Variants in CCSER2 observed in about 807,000 individuals in gnomAD.
CCSER2 encodes the protein coiled-coil serine rich protein 2.
Under a neutral mutation model 92.3 loss-of-function variants are expected in CCSER2, and 46 were observed. The observed-to-expected ratio is 0.50, with a 90% confidence interval of 0.39 to 0.64. CCSER2 has a LOEUF of 0.64. Ranked by LOEUF, CCSER2 falls within the 30% of genes least tolerant of loss-of-function variation. The probability of loss-of-function intolerance (pLI) is 0.00; values close to 1 mark genes in which losing one functional copy is unlikely to be tolerated. For synonymous variants in CCSER2, 433 were observed against 431.4 expected (o/e 1.00, Z -0.04); for missense variants, 1,244 against 1,238.9 (o/e 1.00, Z -0.06).
intron 3 of CCSER2, among the ~76,000 whole-genome samples, chr10:84,383,198 A>G (rs950436377): frequency 6.6e-6 from 1 of 152,222 alleles, no homozygotes. Context: ...GAGTTTTAGA[A>G]TGAATTTAGG....
chr10:84,510,211 CTG>C (rs1849280845), intron 9 of CCSER2, among the ~76,000 whole-genome samples: 2 of 152,132 alleles, frequency 1.3e-5, no homozygotes, highest in Non-Finnish European at 2.9e-5. Flanking sequence ...TTTTTTGCCT[CTG>C]TGTTTGGCAT....
intron 5 of CCSER2, among the ~76,000 whole-genome samples, chr10:84,436,342 A>G (rs1171283668): frequency 1.8e-4 from 24 of 130,120 alleles, no homozygotes; most frequent in East Asian, 4.5e-4. Context: ...AAAAAAAAAA[A>G]AAAAAAAAAA....
chr10:84,374,481 G>A (rs1483078047), intron 3 of CCSER2, among the ~76,000 whole-genome samples: 2 of 152,148 alleles, frequency 1.3e-5, no homozygotes, highest in East Asian at 1.9e-4. Context: ...GGAAGAGAGT[G>A]CCAGAGGGTC....
chr10:84,432,748 CT>C (rs1843855096), intron 5 of CCSER2, among the ~76,000 whole-genome samples: 1 of 151,980 alleles, frequency 6.6e-6, no homozygotes, highest in South Asian at 2.1e-4. Flanking sequence ...TCCATTTTTT[CT>C]TTCTTGGGTT....
intron 3 of CCSER2, among the ~76,000 whole-genome samples, chr10:84,383,461 C>A (rs1306976800): frequency 2.0e-5 from 3 of 152,074 alleles, no homozygotes; most frequent in African/African-American, 4.8e-5. Flanking sequence ...CAGGTGCCCG[C>A]CACCATACCT....
chr10:84,435,171 A>G (rs560031199), intron 5 of CCSER2, among the ~76,000 whole-genome samples: 102 of 152,316 alleles, frequency 6.7e-4, no homozygotes, highest in Admixed American at 5.3e-3. Flanking sequence ...GAGAACATTG[A>G]GAGTTAAAGA....
intron 1 of CCSER2, among the ~76,000 whole-genome samples, chr10:84,332,365 T>C (rs1294062756): frequency 6.8e-6 from 1 of 147,956 alleles, no homozygotes; most frequent in African/African-American, 2.5e-5. Flanking sequence ...TGATCTATTT[T>C]TTCTTATTGT....
chr10:84,485,901 A>G (rs1421469919), intron 9 of CCSER2, among the ~76,000 whole-genome samples: 1 of 151,694 alleles, frequency 6.6e-6, no homozygotes, highest in Non-Finnish European at 1.5e-5. Context: ...ACCTCCCCCA[A>G]CCCCACAACA....
chr10:84,426,816 T>C (rs1464399218), intron 5 of CCSER2, among the ~76,000 whole-genome samples: 2 of 152,224 alleles, frequency 1.3e-5, no homozygotes, highest in African/African-American at 4.8e-5. Context: ...TTACAACATA[T>C]ACAGTACGCA....
chr10:84,501,862 C>CATATATATATATATATATATATACTCAT (rs561729632), intron 9 of CCSER2, among the ~76,000 whole-genome samples: 32 of 69,476 alleles, frequency 4.6e-4, no homozygotes, highest in Non-Finnish European at 8.5e-4. Flanking sequence ...TATATATACT[C>CATATATATATATATATATATATACTCAT]ATATATATAT....
At chr10:84,389,145 A>G (rs1054537789) in intron 3 of CCSER2, 11 of 243,464 alleles carry the variant, frequency 4.5e-5, no homozygotes, top group Non-Finnish European at 7.4e-5. Flanking sequence ...CTTTATTGAA[A>G]TATTTTCCTT....
At chr10:84,444,301 T>A (rs969343211) in intron 6 of CCSER2, among the ~76,000 whole-genome samples, 13 of 152,144 alleles carry the variant, frequency 8.5e-5, no homozygotes, top group African/African-American at 1.9e-4. Context: ...GTTATTTTTT[T>A]AAAAAAATTA....
At position 84,375,863 on chromosome 10, in the gene CCSER2, C is replaced by CT. The variant is rs532459199; in HGVS notation, c.1614+2060dup. 7.9e-3 allele frequency among the ~76,000 whole-genome samples: 1,065 copies of CT among 135,024 alleles called. 10 individuals carry two copies. Among genetic ancestry groups the CT allele is most frequent in the South Asian group, 0.032 (137 of 4,254 alleles). The allele number at this position is 135,024 out of a possible 152,430, so 88.6% of individuals were successfully genotyped here. A position where few individuals can be genotyped will look rare whatever the true frequency, so the allele number is the denominator to read the frequency against. Reference sequence around the variant, plus strand: ...TTGCTTTTTTTTTCTGTTTCTTTTTCTTTTTTTTTTTTCCTACAGTGGTTC... The same window carrying CT: ...TTGCTTTTTTTTTCTGTTTCTTTTTCTTTTTTTTTTTTTCCTACAGTGGTTC... On this transcript the variant is annotated intron_variant, in intron 3 of 9. Transcript: ENST00000372088.
chr10:84,334,200 C>A (rs1265558596), intron 1 of CCSER2, among the ~76,000 whole-genome samples: 1 of 152,124 alleles, frequency 6.6e-6, no homozygotes, highest in Non-Finnish European at 1.5e-5. Context: ...GCCCTGCTGT[C>A]ATAAGCTGAT....
In CCSER2 at chr10:84,515,304, C is replaced by G. The variant is rs907923940; in HGVS notation, c.*1037C>G. ...ATATATAGGGATTGTAAACTATTTT[C>G]TATAGCAAAACAAGTTAAAATATTT... On this transcript the variant is annotated 3_prime_UTR_variant, in exon 10 of 10. Transcript: ENST00000372088. 6.6e-6 allele frequency: 1 copy of G among 152,492 alleles called. No individual in the cohort carries two copies. The highest frequency in any genetic ancestry group is 2.4e-5 in the African/African-American group (1 of 41,392). The allele number at this position is 152,492 out of a possible 1,614,324, so 9.4% of individuals were successfully genotyped here.
intron 8 of CCSER2, among the ~76,000 whole-genome samples, chr10:84,470,677 G>A (rs1360132266): frequency 6.6e-6 from 1 of 151,938 alleles, no homozygotes; most frequent in African/African-American, 2.4e-5. Context: ...TTGATTCAGC[G>A]ACCTCAGTTT....
At chr10:84,496,113 C>CATAT (rs1848435858) in intron 9 of CCSER2, among the ~76,000 whole-genome samples, 1 of 151,966 alleles carries the variant, frequency 6.6e-6, no homozygotes, top group Admixed American at 6.6e-5. Context: ...CACACACATA[C>CATAT]ATATATATTT....
chr10:84,445,096 C>G (rs1429720358), intron 6 of CCSER2, among the ~76,000 whole-genome samples: 2 of 152,048 alleles, frequency 1.3e-5, no homozygotes, highest in Non-Finnish European at 2.9e-5. Context: ...GAATTTTGAC[C>G]CTGACATGAA....
chr10:84,340,180 C>G (rs1288051930), intron 1 of CCSER2, among the ~76,000 whole-genome samples: 4 of 152,206 alleles, frequency 2.6e-5, no homozygotes, highest in Non-Finnish European at 5.9e-5. Context: ...ATAGATGCCT[C>G]TTCTTCCAGG....
Sources: allele counts gnomAD v4.1 joint callset (sites outside exome capture counted in the v4.1 genomes callset), GRCh38; gene constraint gnomAD v4.1.1; transcripts MANE v1.5; gene names NCBI Gene and HGNC (gene_info 2026-07-23, HGNC 2026-07-21).